The following PMS2 variants were observed in gnomAD, a reference collection of about 807,000 sequenced individuals.
PMS2 encodes the protein PMS1 homolog 2, mismatch repair system component.
PMS2 carries 69 observed loss-of-function variants against 90.0 expected under a neutral mutation model. That is an observed-to-expected ratio of 0.77 (90% confidence interval 0.63 to 0.94). The LOEUF is 0.94. Among genes scored for constraint, PMS2 ranks in the 40% least tolerant of loss-of-function variants. PMS2 has a pLI of 0.00. For synonymous variants in PMS2, 332 were observed against 375.1 expected, an observed-to-expected ratio of 0.89 and a Z score of 1.33; for missense variants, 966 against 1,040.2, an observed-to-expected ratio of 0.93 and a Z score of 0.98.
At chr7:5,979,355 C>T (rs1163684436) in intron 12 of PMS2, among the ~76,000 whole-genome samples, 1 of 146,374 alleles carries the variant, frequency 6.8e-6, no homozygotes, top group Non-Finnish European at 1.5e-5. Flanking sequence ...CACACCACTG[C>T]ACTCCAGCCT....
chr7:5,991,478 A>T (rs937445169), intron 9 of PMS2, among the ~76,000 whole-genome samples: 1 of 149,892 alleles, frequency 6.7e-6, no homozygotes, highest in Non-Finnish European at 1.5e-5. Context: ...ATTAAAAAAA[A>T]TTACATTTTC....
At chr7:5,993,625 G>C (rs1266693634) in intron 8 of PMS2, among the ~76,000 whole-genome samples, 1 of 151,630 alleles carries the variant, frequency 6.6e-6, no homozygotes, top group Non-Finnish European at 1.5e-5. Flanking sequence ...CACTTTGGGA[G>C]ACAGAGGCGG....
intron 7 of PMS2, among the ~76,000 whole-genome samples, chr7:5,996,907 A>G (rs1784467717): frequency 3.9e-5 from 6 of 152,182 alleles, no homozygotes; most frequent in Admixed American, 3.3e-4. Flanking sequence ...ACAGTTTTAT[A>G]AAGGACATAA....
At chr7:6,001,048 T>C (rs1324894280) in intron 5 of PMS2, among the ~76,000 whole-genome samples, 2 of 152,160 alleles carry the variant, frequency 1.3e-5, no homozygotes, top group Admixed American at 6.6e-5. Context: ...AAAAAGTTTT[T>C]AGCTGCATAT....
intron 7 of PMS2, among the ~76,000 whole-genome samples, chr7:5,996,514 G>C (rs1177168917): frequency 1.3e-5 from 2 of 148,808 alleles, no homozygotes; most frequent in Non-Finnish European, 3.0e-5. Context: ...AGAGGTTGCA[G>C]TGAGCCAAGA....
At chr7:5,993,201 T>G (rs538139396) in intron 8 of PMS2, among the ~76,000 whole-genome samples, 2 of 151,732 alleles carry the variant, frequency 1.3e-5, no homozygotes, top group Non-Finnish European at 2.9e-5. Flanking sequence ...TGAAACCCCA[T>G]CTCTACTCAA....
At chr7:5,989,478 G>A (rs1211776855) in intron 10 of PMS2, among the ~76,000 whole-genome samples, 1 of 151,952 alleles carries the variant, frequency 6.6e-6, no homozygotes, top group African/African-American at 2.4e-5. Context: ...AGTCACTGCA[G>A]ACTTCTTCTA....
chr7:5,996,280 G>A (rs1784378792), intron 7 of PMS2, among the ~76,000 whole-genome samples: 1 of 152,046 alleles, frequency 6.6e-6, no homozygotes, highest in African/African-American at 2.4e-5. Flanking sequence ...TAGGCTGGGT[G>A]TGGTGGCTCA....
intron 14 of PMS2, among the ~76,000 whole-genome samples, chr7:5,976,103 G>A (rs532185268): frequency 2.8e-5 from 4 of 143,148 alleles, no homozygotes; most frequent in Non-Finnish European, 6.2e-5. Context: ...GCCAGGTGTG[G>A]TGGGTGCCTG....
chr7:5,995,859 C>A (rs1021687788), intron 7 of PMS2, among the ~76,000 whole-genome samples: 7 of 152,190 alleles, frequency 4.6e-5, no homozygotes, highest in South Asian at 4.1e-4. Context: ...CAATGCACCA[C>A]AGGTGATGCA....
rs864622272 is a variant in PMS2 at position 6,002,449 on chromosome 7, G to A, written c.537+4C>T. 6.3e-7 allele frequency: 1 copy of A among 1,588,198 alleles called. No individual in the cohort carries two copies. The highest frequency in any genetic ancestry group is 1.3e-5 in the African/African-American group (1 of 74,398). On this transcript the variant is annotated splice_donor_region_variant and intron_variant, in intron 5 of 14. Transcript: ENST00000265849. ...TCTTGAAAACCAGGATTAATTTACT[G>A]TACCTTCTTAATATTCCTTTGAAAT...
chr7:5,997,227 A>AG (rs1460035742), intron 7 of PMS2, 99 bp downstream of exon 7: 1 of 719,450 alleles, frequency 1.4e-6, no homozygotes, highest in African/African-American at 1.8e-5. Context: ...AAAAAAAAAA[A>AG]AAGACACGAA....
rs1370416773 is a variant in PMS2, at chr7:5,997,505, T to A, written c.706-82A>T. On this transcript the variant is annotated intron_variant, in intron 6 of 14. Transcript: ENST00000265849. ...AATCTGTTTTCTTTCTTAGTCAAGC[T>A]ATTGACATTACAAGCGCAAAAAAAA... The A allele has an allele frequency of 7.3e-6, 6 of 824,714 alleles. No homozygotes were observed. In the East Asian group the frequency reaches 1.3e-4, roughly 18 times the overall value. 51.1% of individuals were successfully genotyped at this position (824,714 alleles called of 1,614,324 possible).
At chr7:6,008,565 C>A (rs913815597) in intron 1 of PMS2, among the ~76,000 whole-genome samples, 3 of 151,504 alleles carry the variant, frequency 2.0e-5, no homozygotes, top group Non-Finnish European at 2.9e-5. Context: ...GCCTGGGCAA[C>A]GCAGCGAAAT....
chr7:5,995,913 G>C (rs75789013), intron 7 of PMS2, among the ~76,000 whole-genome samples: 2 of 152,278 alleles, frequency 1.3e-5, no homozygotes, highest in East Asian at 3.9e-4. Context: ...TACCCTTCCT[G>C]ATAAATCCTC....
chr7:6,005,981 T>G lies in PMS2; in HGVS notation c.74A>C (p.Gln25Pro). ...CAGTACCACCTGCCCAGAGCAAATC[T>G]GATGGACTGACTTCCGATCAATAGG... ...IKPIDRKSVH[Q>P]ICSGQVVLSL... Residue 25 changes from glutamine to proline, a missense_variant, in exon 2 of 15, where the codon CAG (glutamine) becomes CCG (proline). Gln to Pro is a moderately conservative substitution (Grantham distance 76, BLOSUM62 -1). Transcript: ENST00000265849. 2 of 1,610,788 alleles carry G rather than the reference T, an allele frequency of 1.2e-6. No individual in the cohort carries two copies. Among genetic ancestry groups the G allele is most frequent in the South Asian group, 2.2e-5 (2 of 90,992 alleles).
At chr7:5,991,834 G>A (rs775399285) in intron 9 of PMS2, 139 bp downstream of exon 9, 30 of 626,416 alleles carry the variant, frequency 4.8e-5, no homozygotes, top group South Asian at 1.2e-4. Flanking sequence ...GCAAGACCCC[G>A]TCTCAAAAAA....
chr7:6,008,893 C>T (rs2128864602), intron 1 of PMS2, 104 bp downstream of exon 1: 2 of 1,414,874 alleles, frequency 1.4e-6, no homozygotes, highest in Non-Finnish European at 2.0e-6. Flanking sequence ...TGCCTCGCCA[C>T]GCGCCTCGGC....
At chr7:5,998,176 G>T (rs1784647023) in intron 6 of PMS2, among the ~76,000 whole-genome samples, 1 of 150,508 alleles carries the variant, frequency 6.6e-6, no homozygotes, top group Non-Finnish European at 1.5e-5. Flanking sequence ...CCATCTCCCG[G>T]GTTCCAGCGA....
Sources: allele counts gnomAD v4.1 joint callset (sites outside exome capture counted in the v4.1 genomes callset), GRCh38; gene constraint gnomAD v4.1.1; transcripts MANE v1.5; gene names NCBI Gene and HGNC (gene_info 2026-07-23, HGNC 2026-07-21).